Variants in CADPS2 observed in about 807,000 individuals in gnomAD.
The protein encoded by CADPS2 is calcium-dependent secretion activator 2.
In CADPS2, 93 loss-of-function variants were observed where a neutral mutation model predicts 172.5. The ratio of observed to expected loss-of-function variants is 0.54; its 90% CI spans 0.46 to 0.64. CADPS2 has a LOEUF of 0.64. Among genes scored for constraint, CADPS2 ranks in the 30% least tolerant of loss-of-function variants. The probability of loss-of-function intolerance (pLI) is 0.00; values close to 1 mark genes in which losing one functional copy is unlikely to be tolerated. For synonymous variants in CADPS2, 546 were observed against 555.2 expected (o/e 0.98, Z 0.23); for missense variants, 1,420 against 1,565.9 (o/e 0.91, Z 1.57).
chr7:122,860,302 C>G (rs1406007564), intron 1 of CADPS2, among the ~76,000 whole-genome samples: 1 of 152,118 alleles, frequency 6.6e-6, no homozygotes, highest in Non-Finnish European at 1.5e-5. Context: ...AATCATAGCT[C>G]ACTGCAGATT....
At chr7:122,460,829 T>G (rs886140139) in intron 14 of CADPS2, among the ~76,000 whole-genome samples, 24 of 152,116 alleles carry the variant, frequency 1.6e-4, no homozygotes, top group African/African-American at 5.8e-4. Flanking sequence ...ACTAAATAAT[T>G]TGTTAACTGA....
intron 22 of CADPS2, among the ~76,000 whole-genome samples, chr7:122,392,077 C>G (rs2044439073): frequency 6.6e-6 from 1 of 152,068 alleles, no homozygotes; most frequent in African/African-American, 2.4e-5. Context: ...ACAGTAAAAT[C>G]TCAATAAATG....
At chr7:122,885,556 G>A (rs1050520707) in intron 1 of CADPS2, among the ~76,000 whole-genome samples, 2 of 152,064 alleles carry the variant, frequency 1.3e-5, no homozygotes, top group South Asian at 2.1e-4. Flanking sequence ...AAGTACTCGG[G>A]CTCCACCTGT....
intron 27 of CADPS2, among the ~76,000 whole-genome samples, chr7:122,346,306 TGCAGTGA>T (rs1274093600): frequency 6.6e-6 from 1 of 152,088 alleles, no homozygotes; most frequent in Non-Finnish European, 1.5e-5. Flanking sequence ...TGGTTGAGGT[TGCAGTGA>T]GCTGTCATCA....
At chr7:122,407,515 T>C (rs1212495045) in intron 20 of CADPS2, 25 bp downstream of exon 20, 4 of 1,595,032 alleles carry the variant, frequency 2.5e-6, no homozygotes, top group East Asian at 4.5e-5. Flanking sequence ...CCATTTCACA[T>C]ATGAAAGAAA....
chr7:122,768,306 T>A (rs780985863), intron 1 of CADPS2, among the ~76,000 whole-genome samples: 3 of 152,186 alleles, frequency 2.0e-5, no homozygotes, highest in Non-Finnish European at 2.9e-5. Context: ...ACGTATTTAG[T>A]TACCCACATC....
At chr7:122,726,004 AT>A (rs199652045) in intron 2 of CADPS2, among the ~76,000 whole-genome samples, 13 of 150,170 alleles carry the variant, frequency 8.7e-5, no homozygotes, top group East Asian at 3.9e-4. Flanking sequence ...AACAGTTTGA[AT>A]TTTTTTTTTC....
chr7:122,881,842 A>T (rs550738159), intron 1 of CADPS2, among the ~76,000 whole-genome samples: 1 of 152,298 alleles, frequency 6.6e-6, no homozygotes, highest in Admixed American at 6.5e-5. Context: ...AGGTCTCAAA[A>T]CATGTTTAGG....
chr7:122,809,464 C>G (rs1799531877), intron 1 of CADPS2, among the ~76,000 whole-genome samples: 1 of 151,344 alleles, frequency 6.6e-6, no homozygotes, highest in Admixed American at 6.6e-5. Flanking sequence ...GCCTGTAATC[C>G]CAGCTACTCG....
At chr7:122,629,141 A>G in intron 4 of CADPS2, 107 bp downstream of exon 4, 2 of 789,582 alleles carry the variant, frequency 2.5e-6, no homozygotes, top group South Asian at 4.1e-5. Context: ...AAATGTTAAA[A>G]TTATGCTGGC....
intron 1 of CADPS2, chr7:122,850,127 G>A (rs1813139634): frequency 7.8e-7 from 1 of 1,289,710 alleles, no homozygotes; most frequent in Non-Finnish European, 1.0e-6. Context: ...ACAACTCCGA[G>A]TTTTAGCAAC....
intron 1 of CADPS2, among the ~76,000 whole-genome samples, chr7:122,752,869 G>A (rs1483100274): frequency 1.3e-5 from 2 of 152,142 alleles, no homozygotes; most frequent in African/African-American, 4.8e-5. Flanking sequence ...TTTAGAAATT[G>A]AGCGGGGCAC....
At chr7:122,801,682 G>GA (rs1797679192) in intron 1 of CADPS2, among the ~76,000 whole-genome samples, 3 of 151,296 alleles carry the variant, frequency 2.0e-5, no homozygotes, top group African/African-American at 7.3e-5. Context: ...GCATATGTAG[G>GA]AAAGAAAAAA....
intron 7 of CADPS2, among the ~76,000 whole-genome samples, chr7:122,578,103 C>G (rs7456068): frequency 6.7e-6 from 1 of 149,878 alleles, no homozygotes; most frequent in Non-Finnish European, 1.5e-5. Context: ...CATATATATA[C>G]ACAAAAGTAT....
intron 15 of CADPS2, among the ~76,000 whole-genome samples, chr7:122,444,877 A>G (rs1341546233): frequency 6.6e-6 from 1 of 152,176 alleles, no homozygotes; most frequent in Non-Finnish European, 1.5e-5. Context: ...TAACCCAAAG[A>G]CACAGATTTT....
intron 2 of CADPS2, among the ~76,000 whole-genome samples, chr7:122,666,795 A>G (rs952753302): frequency 1.1e-4 from 16 of 152,112 alleles, no homozygotes; most frequent in Middle Eastern, 3.2e-3. Context: ...TGGTCTCCCA[A>G]TGTACCATTC....
intron 2 of CADPS2, among the ~76,000 whole-genome samples, chr7:122,732,814 A>AT (rs1457705462): frequency 3.4e-3 from 487 of 142,206 alleles, no homozygotes; most frequent in African/African-American, 0.012. Flanking sequence ...TTATATACAT[A>AT]ATGTATATTA....
intron 1 of CADPS2, among the ~76,000 whole-genome samples, chr7:122,759,132 A>G (rs1391750470): frequency 6.6e-6 from 1 of 152,156 alleles, no homozygotes. Context: ...CTCTAAGTGG[A>G]GAATCACAGT....
intron 2 of CADPS2, among the ~76,000 whole-genome samples, chr7:122,692,447 C>A (rs561684397): frequency 6.6e-6 from 1 of 152,206 alleles, no homozygotes; most frequent in African/African-American, 2.4e-5. Flanking sequence ...ACTCTGCCAG[C>A]GAAGGTATGC....
Sources: gnomAD v4.1 joint callset for allele counts (sites outside exome capture counted in the v4.1 genomes callset) on GRCh38, gnomAD v4.1.1 for gene constraint, MANE v1.5 for transcripts, NCBI Gene and HGNC (gene_info 2026-07-23, HGNC 2026-07-21) for gene names.